EBF1: variants seen among roughly 807,000 people sequenced by gnomAD.
The protein encoded by EBF1 is EBF transcription factor 1, also known as transcription factor COE1.
In EBF1, 10 loss-of-function variants were observed where a neutral mutation model predicts 68.4. That is an observed-to-expected ratio of 0.15 (90% CI 0.09 to 0.25). The LOEUF is 0.25. Among genes scored for constraint, EBF1 ranks in the 10% least tolerant of loss-of-function variants. EBF1 has a pLI of 1.00. For missense variants in EBF1, 509 were observed against 794.4 expected (o/e 0.64, Z 4.32); for synonymous variants, 298 against 299.8 (o/e 0.99, Z 0.06).
chr5:158,956,028 A>ATGTGTGTGTG (rs56311243), intron 6 of EBF1, among the ~76,000 whole-genome samples: 5 of 141,038 alleles, frequency 3.5e-5, no homozygotes, highest in East Asian at 2.1e-4. Flanking sequence ...ATAAATATAA[A>ATGTGTGTGTG]TGTGTGTGTG....
intron 6 of EBF1, among the ~76,000 whole-genome samples, chr5:159,070,678 A>G (rs1316327107): frequency 6.6e-6 from 1 of 152,220 alleles, no homozygotes; most frequent in Non-Finnish European, 1.5e-5. Flanking sequence ...GCTAAAAATT[A>G]TTGGTGCTCA....
chr5:158,974,504 A>T (rs1239833083), intron 6 of EBF1, among the ~76,000 whole-genome samples: 4 of 152,214 alleles, frequency 2.6e-5, no homozygotes. Flanking sequence ...CATTGGAAAC[A>T]TACACGGCTT....
At chr5:159,063,496 A>G (rs958166758) in intron 6 of EBF1, among the ~76,000 whole-genome samples, 1 of 152,162 alleles carries the variant, frequency 6.6e-6, no homozygotes, top group Non-Finnish European at 1.5e-5. Flanking sequence ...TATACTTGCT[A>G]TTACTATTCC....
At chr5:158,975,133 T>C (rs1342987438) in intron 6 of EBF1, among the ~76,000 whole-genome samples, 1 of 152,142 alleles carries the variant, frequency 6.6e-6, no homozygotes, top group South Asian at 2.1e-4. Flanking sequence ...ATAGGATAAA[T>C]TGAATATTTG....
At chr5:158,804,865 G>A (rs1781279446) in intron 8 of EBF1, among the ~76,000 whole-genome samples, 1 of 152,212 alleles carries the variant, frequency 6.6e-6, no homozygotes, top group East Asian at 1.9e-4. Context: ...TTCTATGACT[G>A]TCAGTCACTC....
chr5:159,072,631 A>G (rs956768044), intron 6 of EBF1, among the ~76,000 whole-genome samples: 4 of 152,214 alleles, frequency 2.6e-5, no homozygotes, highest in Non-Finnish European at 4.4e-5. Context: ...GAGTAATGCT[A>G]TGTAACAAAT....
At chr5:158,729,893 T>A (rs1466864815) in intron 11 of EBF1, among the ~76,000 whole-genome samples, 1 of 152,214 alleles carries the variant, frequency 6.6e-6, no homozygotes, top group Non-Finnish European at 1.5e-5. Context: ...GCCTCACCTC[T>A]GTGTAGTGGC....
At chr5:158,826,740 C>T (rs752689957) in intron 7 of EBF1, among the ~76,000 whole-genome samples, 4 of 151,956 alleles carry the variant, frequency 2.6e-5, no homozygotes, top group Admixed American at 6.6e-5. Flanking sequence ...TGAGAGTATT[C>T]GTTATAAGAG....
At chr5:159,060,828 T>C (rs1435267765) in intron 6 of EBF1, among the ~76,000 whole-genome samples, 1 of 152,138 alleles carries the variant, frequency 6.6e-6, no homozygotes, top group Non-Finnish European at 1.5e-5. Context: ...GACCCACAAC[T>C]TGGCTATCTA....
At chr5:158,818,088 G>A (rs1267851409) in intron 8 of EBF1, among the ~76,000 whole-genome samples, 2 of 152,082 alleles carry the variant, frequency 1.3e-5, no homozygotes, top group Non-Finnish European at 2.9e-5. Flanking sequence ...ACCCCACCTG[G>A]CTCTCACTGG....
At chr5:159,037,941 A>T (rs1054332691) in intron 6 of EBF1, among the ~76,000 whole-genome samples, 9 of 152,124 alleles carry the variant, frequency 5.9e-5, no homozygotes, top group African/African-American at 2.2e-4. Context: ...GTTCAAGTCA[A>T]TTTGCAGGGA....
At chr5:159,057,610 C>A (rs1462821272) in intron 6 of EBF1, among the ~76,000 whole-genome samples, 2 of 152,164 alleles carry the variant, frequency 1.3e-5, no homozygotes, top group Non-Finnish European at 1.5e-5. Flanking sequence ...AGAAAAGCCA[C>A]TGGAACCAGA....
intron 6 of EBF1, among the ~76,000 whole-genome samples, chr5:158,840,966 A>T (rs4594837): frequency 1.3e-5 from 2 of 151,796 alleles, no homozygotes; most frequent in Admixed American, 1.3e-4. Flanking sequence ...CCACCGCGCC[A>T]GGCCCTCCTG....
intron 10 of EBF1, among the ~76,000 whole-genome samples, chr5:158,767,304 TG>T (rs1772927250): frequency 6.6e-6 from 1 of 152,196 alleles, no homozygotes; most frequent in Admixed American, 6.6e-5. Context: ...GTATGCATTA[TG>T]TTCACAATTA....
intron 6 of EBF1, among the ~76,000 whole-genome samples, chr5:158,925,268 T>A (rs929729032): frequency 6.6e-6 from 1 of 152,232 alleles, no homozygotes; most frequent in Non-Finnish European, 1.5e-5. Context: ...CACTTTTATC[T>A]TATTGTCTAG....
chr5:159,096,522 G>A, intron 2 of EBF1, 116 bp from the exon 3 acceptor site: 1 of 1,140,466 alleles, frequency 8.8e-7, no homozygotes, highest in Non-Finnish European at 1.3e-6. Flanking sequence ...GGCGAGCCAG[G>A]CAGCCACGGT....
chr5:159,019,926 A>G (rs1256538940), intron 6 of EBF1, among the ~76,000 whole-genome samples: 2 of 152,100 alleles, frequency 1.3e-5, no homozygotes, highest in African/African-American at 4.8e-5. Context: ...AGTCAGATCC[A>G]AGCAAGAAGT....
intron 6 of EBF1, among the ~76,000 whole-genome samples, chr5:158,952,249 C>G (rs146536792): frequency 6.6e-6 from 1 of 151,970 alleles, no homozygotes; most frequent in African/African-American, 2.4e-5. Context: ...TAGGGAAAGG[C>G]GATAATTAAC....
At chr5:158,743,476 T>G (rs1001868902) in intron 10 of EBF1, among the ~76,000 whole-genome samples, 1 of 152,150 alleles carries the variant, frequency 6.6e-6, no homozygotes, top group African/African-American at 2.4e-5. Flanking sequence ...TCATTTAAGA[T>G]TTTCCAGATC....
Sources: gnomAD v4.1 joint callset for allele counts (sites outside exome capture counted in the v4.1 genomes callset) on GRCh38, gnomAD v4.1.1 for gene constraint, MANE v1.5 for transcripts, NCBI Gene and HGNC (gene_info 2026-07-23, HGNC 2026-07-21) for gene names.